GARNL3: variants seen among roughly 807,000 people sequenced by gnomAD.
GARNL3 encodes the protein GTPase activating Rap/RanGAP domain like 3.
A neutral mutation model predicts 125.0 loss-of-function variants in GARNL3; 63 were observed. That is an observed-to-expected ratio of 0.50 (90% CI 0.41 to 0.62). GARNL3 has a LOEUF of 0.62. Ranked by LOEUF, GARNL3 falls within the 20% of genes least tolerant of loss-of-function variation. The pLI is 0.00. For synonymous variants in GARNL3, 439 were observed against 457.5 expected, an observed-to-expected ratio of 0.96 and a Z score of 0.52; for missense variants, 994 against 1,244.0, an observed-to-expected ratio of 0.80 and a Z score of 3.02.
intron 13 of GARNL3, among the ~76,000 whole-genome samples, 192 bp from the exon 14 acceptor site, chr9:127,342,027 G>A (rs1321032679): frequency 1.3e-5 from 2 of 152,078 alleles, no homozygotes; most frequent in African/African-American, 4.8e-5. Context: ...CAAAAATCTT[G>A]ACCTTTTCCT....
At chr9:127,320,893 C>A in intron 6 of GARNL3, 115 bp downstream of exon 6, 1 of 685,748 alleles carries the variant, frequency 1.5e-6, no homozygotes, top group Non-Finnish European at 2.5e-6. Flanking sequence ...ACCTATGCAA[C>A]TTTAAAAAAA....
At chr9:127,381,636 A>G (rs1832263182) in intron 22 of GARNL3, among the ~76,000 whole-genome samples, 1 of 151,856 alleles carries the variant, frequency 6.6e-6, no homozygotes, top group Admixed American at 6.6e-5. Flanking sequence ...TCGCTGTGTC[A>G]CCCAGGCTGG....
chr9:127,262,528 C>T (rs2131254630), upstream of GARNL3, among the ~76,000 whole-genome samples: 1 of 152,336 alleles, frequency 6.6e-6, no homozygotes, highest in Non-Finnish European at 1.5e-5. Context: ...CTCATGGCCA[C>T]ACATCCTGCA....
At chr9:127,319,727 C>A (rs2065344016) in intron 5 of GARNL3, among the ~76,000 whole-genome samples, 1 of 152,080 alleles carries the variant, frequency 6.6e-6, no homozygotes, top group Non-Finnish European at 1.5e-5. Context: ...GAGAGTAATA[C>A]CTTAAATTAT....
chr9:127,332,777 C>A (rs539529102), intron 8 of GARNL3, among the ~76,000 whole-genome samples: 9 of 152,160 alleles, frequency 5.9e-5, no homozygotes, highest in African/African-American at 1.9e-4. Context: ...TAGTAAACAC[C>A]TGTGGTCCCA....
At chr9:127,276,874 C>T (rs1382736712) in intron 1 of GARNL3, among the ~76,000 whole-genome samples, 2 of 152,224 alleles carry the variant, frequency 1.3e-5, no homozygotes, top group Non-Finnish European at 2.9e-5. Context: ...TATGTGTAAA[C>T]TACTTTTCAC....
chr9:127,279,778 T>C (rs10987586), intron 1 of GARNL3, among the ~76,000 whole-genome samples: 3 of 152,232 alleles, frequency 2.0e-5, no homozygotes, highest in African/African-American at 7.2e-5. Context: ...TTCATTTTTG[T>C]TTTACTTCAA....
chr9:127,289,131 CT>C (rs1044704256), intron 1 of GARNL3, among the ~76,000 whole-genome samples: 3 of 152,202 alleles, frequency 2.0e-5, no homozygotes, highest in Non-Finnish European at 4.4e-5. Flanking sequence ...ATCCTCTATA[CT>C]TCCCCTGTGA....
intron 22 of GARNL3, among the ~76,000 whole-genome samples, chr9:127,379,601 T>G (rs890839413): frequency 2.6e-5 from 4 of 152,166 alleles, no homozygotes; most frequent in Non-Finnish European, 4.4e-5. Context: ...CAGCAAACTG[T>G]GAATAATGAG....
chr9:127,239,927 CTTAAAG>C (rs1263629117), intron 1 of GARNL3, among the ~76,000 whole-genome samples: 13 of 151,904 alleles, frequency 8.6e-5, no homozygotes, highest in African/African-American at 3.1e-4. Flanking sequence ...TTAATAAAAT[CTTAAAG>C]TTTAAAGGGC....
chr9:127,297,500 C>G (rs1410289573), intron 2 of GARNL3, among the ~76,000 whole-genome samples: 2 of 151,872 alleles, frequency 1.3e-5, no homozygotes, highest in Non-Finnish European at 2.9e-5. Context: ...CCTACATTTT[C>G]CTATAGTATA....
chr9:127,290,080 G>A (rs1379853488), intron 1 of GARNL3, among the ~76,000 whole-genome samples: 1 of 152,030 alleles, frequency 6.6e-6, no homozygotes, highest in Non-Finnish European at 1.5e-5. Flanking sequence ...CTCTGCCTCA[G>A]TTTCCTCGTT....
At position 127,344,282 on chromosome 9, in the gene GARNL3, C is replaced by G; in HGVS notation, c.1299C>G (p.Pro433=). The G allele has an allele frequency of 6.2e-7, 1 of 1,613,996 alleles. No individual in the cohort carries two copies. Among genetic ancestry groups the G allele is most frequent in the Non-Finnish European group, 8.5e-7 (1 of 1,179,914 alleles). The change falls in exon 15 of 28, where the codon CCC becomes CCG. Residue 433 remains proline (P), a synonymous_variant. Coordinates refer to ENST00000373387, the MANE Select transcript of GARNL3 (RefSeq NM_032293.5). ...TTAGTGATGTCTTACCAGAGTCACC[C>G]AAGTCAGCGCGGAAGAAAGAGGAGG... ...RSFSDVLPES[P]KSARKKEEAR...
intron 1 of GARNL3, among the ~76,000 whole-genome samples, chr9:127,287,197 G>A (rs1304665761): frequency 6.6e-6 from 1 of 152,166 alleles, no homozygotes; most frequent in East Asian, 1.9e-4. Flanking sequence ...TCTGCACTGT[G>A]ACAAATGGCG....
At chr9:127,284,234 T>G (rs1030058607) in intron 1 of GARNL3, among the ~76,000 whole-genome samples, 2 of 152,142 alleles carry the variant, frequency 1.3e-5, no homozygotes, top group African/African-American at 4.8e-5. Context: ...TCTTAAAATA[T>G]TTTTCATTGT....
At chr9:127,259,057 T>G (rs2063540955), upstream of GARNL3, among the ~76,000 whole-genome samples, 1 of 152,242 alleles carries the variant, frequency 6.6e-6, no homozygotes, top group Admixed American at 6.5e-5. Context: ...GGGTCTGTTG[T>G]GAGGTCAGCA....
chr9:127,275,539 T>C (rs2063931946), intron 1 of GARNL3, among the ~76,000 whole-genome samples: 2 of 152,236 alleles, frequency 1.3e-5, no homozygotes, highest in Non-Finnish European at 2.9e-5. Flanking sequence ...TCTGTTTTCG[T>C]AGGGCACATA....
chr9:127,291,478 G>T (rs2064413831), intron 2 of GARNL3, among the ~76,000 whole-genome samples: 1 of 152,222 alleles, frequency 6.6e-6, no homozygotes, highest in Non-Finnish European at 1.5e-5. Flanking sequence ...TCTGCCAGCA[G>T]TGGGACCAAA....
chr9:127,345,403 G>A lies in GARNL3; in HGVS notation c.1357G>A (p.Ala453Thr). 1 of 1,597,836 alleles carries A rather than the reference G, an allele frequency of 6.3e-7. No homozygotes were observed. The highest frequency in any genetic ancestry group is 8.5e-7 in the Non-Finnish European group (1 of 1,169,678). The change falls in exon 16 of 28, where the codon GCA (alanine) becomes ACA (threonine). Residue 453 changes from alanine (A) to threonine (T), a missense_variant and splice_region_variant. Around this residue, in one of 5 missense-constraint regions of GARNL3, gnomAD observed 728 missense variants for 865.7 expected, o/e 0.84. Coordinates refer to ENST00000373387, the MANE Select transcript of GARNL3 (RefSeq NM_032293.5). ...TTAATAGAGATCTCTGTTCTGTAAGGCACTAAAACTGAAATCCATTGTGAG... is the reference window on the plus strand; with the variant it reads ...TTAATAGAGATCTCTGTTCTGTAAGACACTAAAACTGAAATCCATTGTGAG... ...RQAEFVRIGQ[A>T]LKLKSIVRGD...
Sources: gnomAD v4.1 joint callset for allele counts (sites outside exome capture counted in the v4.1 genomes callset) on GRCh38, gnomAD v4.1.1 for gene constraint, gnomAD v4.1.1 regional missense constraint, MANE v1.5 for transcripts, NCBI Gene and HGNC (gene_info 2026-07-23, HGNC 2026-07-21) for gene names.